Variants in DST observed in about 807,000 individuals in gnomAD.
DST encodes the protein bullous pemphigoid antigen.
Under a neutral mutation model 875.2 loss-of-function variants are expected in DST, and 253 were observed. That is an observed-to-expected ratio of 0.29 (90% CI 0.26 to 0.32). The LOEUF (loss-of-function observed/expected upper bound fraction) is 0.32. Ranked by LOEUF, DST falls within the 10% of genes least tolerant of loss-of-function variation. The probability of loss-of-function intolerance (pLI) is 1.00; values close to 1 mark genes in which losing one functional copy is unlikely to be tolerated. For missense variants in DST, 8,287 were observed against 9,111.6 expected, an observed-to-expected ratio of 0.91 and a Z score of 3.68; for synonymous variants, 3,124 against 3,197.1, an observed-to-expected ratio of 0.98 and a Z score of 0.77.
chr6:56,943,040 C>T (rs78014993), intron 2 of DST, among the ~76,000 whole-genome samples: 85 of 152,096 alleles, frequency 5.6e-4, no homozygotes, highest in Middle Eastern at 3.4e-3. Context: ...CCATTTCTGA[C>T]GCTCTTTATT....
At chr6:56,539,197 T>A (rs9296850) in intron 61 of DST, among the ~76,000 whole-genome samples, 110,382 of 151,958 alleles carry the variant, frequency 0.73, 40,331 homozygotes, top group East Asian at 0.8. Context: ...TTTCAGGGGT[T>A]TATATTGGAG....
chr6:56,538,438 A>C (rs2097058481), intron 61 of DST, among the ~76,000 whole-genome samples: 1 of 152,210 alleles, frequency 6.6e-6, no homozygotes, highest in Admixed American at 6.5e-5. Flanking sequence ...TAAATATACC[A>C]ATGATTGGAC....
At chr6:56,789,760 CA>C (rs748490778) in intron 4 of DST, among the ~76,000 whole-genome samples, 5 of 152,200 alleles carry the variant, frequency 3.3e-5, no homozygotes, top group Non-Finnish European at 7.3e-5. Context: ...GGTTCATCCA[CA>C]CTTTAGCATG....
At position 56,555,503 on chromosome 6, in the gene DST, A is replaced by AT. The variant is rs2152559756; in HGVS notation, c.14977dup (p.Met4993AsnfsTer20). Reference sequence around the variant, plus strand: ...CTTTTCCTGCTGTATCTCCTGCTTCATTTTTTGGGCTGTTTCCAACTGTTG... The same window carrying AT: ...CTTTTCCTGCTGTATCTCCTGCTTCATTTTTTTGGGCTGTTTCCAACTGTTG... On this transcript the variant is annotated frameshift_variant, in exon 60 of 104. Coordinates refer to ENST00000680361, the MANE Select transcript of DST (RefSeq NM_001374736.1). LOFTEE classifies it high-confidence loss of function. 6.2e-7 allele frequency: 1 copy of AT among 1,613,800 alleles called. No individual in the cohort carries two copies. The highest frequency in any genetic ancestry group is 1.1e-5 in the South Asian group (1 of 91,062).
At chr6:56,700,356 C>T (rs961532185) in intron 8 of DST, among the ~76,000 whole-genome samples, 1 of 152,132 alleles carries the variant, frequency 6.6e-6, no homozygotes, top group African/African-American at 2.4e-5. Flanking sequence ...TACAAAAATA[C>T]AACTCCTCAA....
intron 10 of DST, among the ~76,000 whole-genome samples, chr6:56,658,581 C>T (rs2099022524): frequency 6.6e-6 from 1 of 152,096 alleles, no homozygotes; most frequent in Admixed American, 6.5e-5. Context: ...GCGCAGGTTA[C>T]CAAAACGTAT....
At chr6:56,580,166 T>A (rs952988979) in intron 49 of DST, among the ~76,000 whole-genome samples, 3 of 152,186 alleles carry the variant, frequency 2.0e-5, no homozygotes, top group Non-Finnish European at 2.9e-5. Flanking sequence ...CAATTAAAAA[T>A]TCCATTCCTT....
intron 4 of DST, among the ~76,000 whole-genome samples, chr6:56,736,043 TTTGTTTGC>T (rs887240992): frequency 4.3e-5 from 6 of 138,248 alleles, no homozygotes; most frequent in Non-Finnish European, 9.1e-5. Context: ...GTTTGTTTTT[TTTGTTTGC>T]TTGTTTGTTT....
chr6:56,892,620 C>T (rs926681981), intron 3 of DST, among the ~76,000 whole-genome samples: 11 of 152,158 alleles, frequency 7.2e-5, no homozygotes, highest in Non-Finnish European at 8.8e-5. Context: ...GCCGCCACGC[C>T]CAGCACTACC....
rs143798954 is a variant in DST at position 56,741,393 on chromosome 6, G to C, written c.626-6104C>G. 6.6e-5 allele frequency among the ~76,000 whole-genome samples: 10 copies of C among 152,228 alleles called. 2 individuals carry two copies. The highest frequency in any genetic ancestry group is 2.4e-4 in the African/African-American group (10 of 41,540). ...AAATTCTGATACTGTTTTCTAACAGGAACAACCTAAACCTCTTCTTTTAAA... is the reference window on the plus strand; with the variant it reads ...AAATTCTGATACTGTTTTCTAACAGCAACAACCTAAACCTCTTCTTTTAAA... On this transcript the variant is annotated intron_variant, in intron 4 of 103. Transcript: ENST00000680361.
intron 30 of DST, 64 bp downstream of exon 30, chr6:56,631,147 T>C: frequency 1.4e-6 from 1 of 734,480 alleles, no homozygotes; most frequent in Non-Finnish European, 2.0e-6. Flanking sequence ...AAATTTTAAA[T>C]TAATAGTAAA....
At chr6:56,572,683 T>A in intron 52 of DST, 64 bp downstream of exon 52, 1 of 1,199,140 alleles carries the variant, frequency 8.3e-7, no homozygotes, top group Non-Finnish European at 1.2e-6. Flanking sequence ...TGGCACTAAG[T>A]ATATGAGTTT....
At chr6:56,891,329 G>A (rs924962717) in intron 3 of DST, among the ~76,000 whole-genome samples, 14 of 152,104 alleles carry the variant, frequency 9.2e-5, no homozygotes, top group Non-Finnish European at 1.6e-4. Context: ...TTGGGAGGCC[G>A]AGGTGTTCTC....
intron 5 of DST, among the ~76,000 whole-genome samples, chr6:56,708,520 T>C (rs2099350090): frequency 3.3e-5 from 5 of 151,988 alleles, no homozygotes; most frequent in Admixed American, 3.3e-4. Context: ...AGAAATACTG[T>C]ATATGGAAAA....
intron 2 of DST, among the ~76,000 whole-genome samples, chr6:56,934,193 C>G (rs1300969110): frequency 1.3e-5 from 2 of 151,906 alleles, no homozygotes; most frequent in African/African-American, 4.8e-5. Flanking sequence ...CAGGTGACTG[C>G]AATTTATCCT....
At chr6:56,586,777 C>T (rs1056412263) in intron 49 of DST, among the ~76,000 whole-genome samples, 27 of 152,222 alleles carry the variant, frequency 1.8e-4, no homozygotes, top group Non-Finnish European at 2.5e-4. Flanking sequence ...CTGCAGACAC[C>T]GCTGCTGATA....
intron 72 of DST, among the ~76,000 whole-genome samples, chr6:56,514,151 A>G (rs971377213): frequency 2.0e-5 from 3 of 152,258 alleles, no homozygotes; most frequent in Non-Finnish European, 4.4e-5. Context: ...CAGCTCAATA[A>G]TGAGCCTTTC....
intron 4 of DST, among the ~76,000 whole-genome samples, chr6:56,829,366 TC>T (rs1374141922): frequency 2.5e-4 from 38 of 152,342 alleles, no homozygotes; most frequent in Middle Eastern, 6.8e-3. Context: ...GTGAGTTTCT[TC>T]CAAAGTTTGA....
intron 3 of DST, among the ~76,000 whole-genome samples, chr6:56,894,669 A>T (rs1592180013): frequency 2.4e-5 from 1 of 42,220 alleles, no homozygotes. Context: ...TGATCCCCCC[A>T]CCTCCCTCCC....
Sources: allele counts gnomAD v4.1 joint callset (sites outside exome capture counted in the v4.1 genomes callset), GRCh38; gene constraint gnomAD v4.1.1; transcripts MANE v1.5; gene names NCBI Gene and HGNC (gene_info 2026-07-23, HGNC 2026-07-21).